Variants in SMC3 observed in about 807,000 individuals in gnomAD.
SMC3 encodes structural maintenance of chromosomes protein 3.
In SMC3, 20 loss-of-function variants were observed where a neutral mutation model predicts 171.8. The ratio of observed to expected loss-of-function variants is 0.12; its 90% CI spans 0.08 to 0.17. The LOEUF (loss-of-function observed/expected upper bound fraction) is 0.17, where lower values mean the gene tolerates loss of function less well. Ranked by LOEUF, SMC3 falls within the 10% of genes least tolerant of loss-of-function variation. SMC3 has a pLI of 1.00. For missense variants in SMC3, 543 were observed against 1,420.4 expected, an observed-to-expected ratio of 0.38 and a Z score of 9.93; for synonymous variants, 464 against 451.1, an observed-to-expected ratio of 1.03 and a Z score of -0.36.
At chr10:110,594,524 G>T (rs1380966963) in intron 18 of SMC3, among the ~76,000 whole-genome samples, 2 of 152,136 alleles carry the variant, frequency 1.3e-5, no homozygotes, top group East Asian at 3.9e-4. Flanking sequence ...TTATAGAAGG[G>T]AAATGCTAAA....
chr10:110,581,662 G>A (rs779623284), intron 8 of SMC3, among the ~76,000 whole-genome samples: 2 of 151,976 alleles, frequency 1.3e-5, no homozygotes, highest in Admixed American at 6.6e-5. Context: ...TTCCATTATT[G>A]GAATCCTAAG....
In SMC3 at chr10:110,578,716, T is replaced by C; in HGVS notation, c.429+10T>C. On this transcript the variant is annotated intron_variant, in intron 7 of 28. Coordinates refer to ENST00000361804, the MANE Select transcript of SMC3 (RefSeq NM_005445.4). ...TGTTAAACAAGGAAAGGTAAAACAA[T>C]TGTATGTCCTTTTTAAGTAGAATTT... 1.9e-6 allele frequency: 3 copies of C among 1,565,852 alleles called. No homozygotes were observed. The highest frequency in any genetic ancestry group is 2.6e-6 in the Non-Finnish European group (3 of 1,140,700).
intron 3 of SMC3, 82 bp downstream of exon 3, chr10:110,573,827 G>T (rs879787008): frequency 7.1e-6 from 7 of 985,764 alleles, no homozygotes; most frequent in South Asian, 1.3e-5. Flanking sequence ...ATTTTCTGAG[G>T]TTATGTATTC....
chr10:110,602,043 T>C lies in SMC3; in HGVS notation c.2970T>C (p.Phe990=), dbSNP rs755361072. ...TTAACAAAAAGGCTTTGGATCAGTTTGTAAATTTCTCCGAGCAGAAAGAAA... is the reference window on the plus strand; with the variant it reads ...TTAACAAAAAGGCTTTGGATCAGTTCGTAAATTTCTCCGAGCAGAAAGAAA... ...SHVNKKALDQ[F]VNFSEQKEKL... Residue 990 remains phenylalanine (F), a synonymous_variant, in exon 25 of 29, where the codon TTT becomes TTC. Transcript: ENST00000361804. 1.4e-5 allele frequency: 23 copies of C among 1,613,838 alleles called. No homozygotes were observed. Among genetic ancestry groups the C allele is most frequent in the Non-Finnish European group, 1.9e-5 (22 of 1,179,922 alleles).
intron 15 of SMC3, 118 bp from the exon 16 acceptor site, chr10:110,590,294 G>A (rs1341840822): frequency 2.2e-5 from 19 of 851,806 alleles, no homozygotes; most frequent in Non-Finnish European, 3.7e-5. Flanking sequence ...TTGTTGGAGA[G>A]GATGTTTAGT....
Position 110,590,009 on chromosome 10 carries a change from A to T in SMC3, c.1509+18A>T, listed in dbSNP as rs368642847. Reference sequence around the variant, plus strand: ...CAGGAAAGGTGGGCAGGTTCTTTTCATCACCTCTGTTTACACTGAGTCATT... The same window carrying T: ...CAGGAAAGGTGGGCAGGTTCTTTTCTTCACCTCTGTTTACACTGAGTCATT... On this transcript the variant is annotated intron_variant, in intron 15 of 28. Transcript: ENST00000361804. The T allele has an allele frequency of 6.3e-7, 1 of 1,599,556 alleles. No individual in the cohort carries two copies. The highest frequency in any genetic ancestry group is 8.6e-7 in the Non-Finnish European group (1 of 1,167,034).
intron 28 of SMC3, 58 bp from the exon 29 acceptor site, chr10:110,604,173 A>G (rs1434105878): frequency 2.0e-6 from 2 of 1,010,828 alleles, no homozygotes; most frequent in Admixed American, 1.7e-5. Flanking sequence ...TATTTACCCT[A>G]TACAATGTAA....
In SMC3 at chr10:110,600,488, C is replaced by T. The variant is rs1861369116; in HGVS notation, c.2477C>T (p.Thr826Ile). The T allele has an allele frequency of 1.9e-6, 3 of 1,596,510 alleles. No individual in the cohort carries two copies. Among genetic ancestry groups the T allele is most frequent in the Non-Finnish European group, 2.6e-6 (3 of 1,164,854 alleles). ...NERIKLEGII[T>I]RVETYLNENL... ...AGAATTAAATTAGAAGGTATTATTA[C>T]TCGAGTAGAGACTTATCTCAATGAG... is the stretch of plus-strand genomic sequence containing the variant. Residue 826 changes from threonine (T) to isoleucine (I), a missense_variant, in exon 22 of 29, where the codon ACT becomes ATT. Around this residue, in one of 8 missense-constraint regions of SMC3, gnomAD observed 218 missense variants for 509.6 expected, o/e 0.43. Coordinates refer to ENST00000361804, the MANE Select transcript of SMC3 (RefSeq NM_005445.4).
chr10:110,605,943 A>T lies in SMC3; in HGVS notation c.*1641A>T, dbSNP rs1211991329. On this transcript the variant is annotated 3_prime_UTR_variant, in exon 29 of 29. Coordinates refer to ENST00000361804, the MANE Select transcript of SMC3 (RefSeq NM_005445.4). ...CAAGGGATGTTACAAACATAACATC[A>T]TTCTAGAACTTCTTAATATTGTTCT... Among the ~76,000 whole-genome samples the T allele has an allele frequency of 6.6e-6, 1 of 152,236 alleles. No individual in the cohort carries two copies. The highest frequency in any genetic ancestry group is 1.9e-4 in the East Asian group (1 of 5,204).
intron 18 of SMC3, 66 bp downstream of exon 18, chr10:110,593,289 T>A: frequency 1.3e-6 from 2 of 1,541,942 alleles, no homozygotes; most frequent in Non-Finnish European, 1.8e-6. Context: ...ACATATAATC[T>A]GGCTGGGCGC....
At chr10:110,573,279 A>G (rs1860898804) in intron 2 of SMC3, among the ~76,000 whole-genome samples, 1 of 152,200 alleles carries the variant, frequency 6.6e-6, no homozygotes, top group African/African-American at 2.4e-5. Context: ...ATGATAATAT[A>G]GGGTTGATTT....
At chr10:110,596,674 A>C (rs542697955) in intron 19 of SMC3, 124 bp downstream of exon 19, 1 of 886,412 alleles carries the variant, frequency 1.1e-6, no homozygotes, top group East Asian at 2.7e-5. Context: ...TCAAGAGCTT[A>C]TGTTTGTTTA....
intron 13 of SMC3, among the ~76,000 whole-genome samples, chr10:110,585,180 A>T (rs1484838767): frequency 2.6e-5 from 4 of 151,796 alleles, no homozygotes; most frequent in African/African-American, 9.7e-5. Flanking sequence ...GGGTTTCTCC[A>T]TGTTGGTCAG....
chr10:110,582,689 G>C (rs1278788162), intron 10 of SMC3, 47 bp downstream of exon 10: 1 of 1,416,418 alleles, frequency 7.1e-7, no homozygotes, highest in East Asian at 2.3e-5. Context: ...TTACTTTTGA[G>C]ACAGGGTCTT....
intron 20 of SMC3, among the ~76,000 whole-genome samples, chr10:110,598,576 TTG>T (rs1248069253): frequency 6.6e-6 from 1 of 152,028 alleles, no homozygotes; most frequent in Non-Finnish European, 1.5e-5. Flanking sequence ...CCGGCTAATT[TTG>T]TGTTTTTAGT....
rs1426047542 is a variant in SMC3 at position 110,605,096 on chromosome 10, T to TA, written c.*795dup. 3.9e-5 allele frequency among the ~76,000 whole-genome samples: 6 copies of TA among 152,216 alleles called. No individual in the cohort carries two copies. The highest frequency in any genetic ancestry group is 1.4e-4 in the African/African-American group (6 of 41,460). On this transcript the variant is annotated 3_prime_UTR_variant, in exon 29 of 29. Coordinates refer to ENST00000361804, the MANE Select transcript of SMC3 (RefSeq NM_005445.4). Reference sequence around the variant, plus strand: ...TTTCTCATGGTTAGATTGGAGCTAATACCACAGAAGCGAAGTATTCTCATT... The same window carrying TA: ...TTTCTCATGGTTAGATTGGAGCTAATAACCACAGAAGCGAAGTATTCTCATT...
At chr10:110,584,036 T>A (rs1255229435) in intron 12 of SMC3, 74 bp downstream of exon 12, 9 of 1,566,316 alleles carry the variant, frequency 5.7e-6, no homozygotes, top group Non-Finnish European at 7.9e-6. Flanking sequence ...AGGAGCTCAA[T>A]TATATAGTAG....
intron 1 of SMC3, chr10:110,568,618 A>C (rs567185724): frequency 3.2e-6 from 1 of 309,900 alleles, no homozygotes; most frequent in Non-Finnish European, 6.1e-6. Context: ...GCTTTTATAG[A>C]CTTGCTATTG....
chr10:110,575,274 A>G, intron 3 of SMC3, 62 bp from the exon 4 acceptor site: 1 of 1,148,280 alleles, frequency 8.7e-7, no homozygotes, highest in South Asian at 1.2e-5. Flanking sequence ...AGGTGTGGGA[A>G]GTTATAAATA....
Sources: gnomAD v4.1 joint callset for allele counts (sites outside exome capture counted in the v4.1 genomes callset) on GRCh38, gnomAD v4.1.1 for gene constraint, gnomAD v4.1.1 regional missense constraint, MANE v1.5 for transcripts, NCBI Gene and HGNC (gene_info 2026-07-23, HGNC 2026-07-21) for gene names.